CDH18: variants seen among roughly 807,000 people sequenced by gnomAD.
The protein encoded by CDH18 is cadherin-18.
In CDH18, 31 loss-of-function variants were observed where a neutral mutation model predicts 67.9. That is an observed-to-expected ratio of 0.46 (90% CI 0.34 to 0.62). The LOEUF is 0.62. CDH18 is among the 20% of genes least tolerant of loss of function. The pLI is 0.01. For missense variants in CDH18, 890 were observed against 975.5 expected (o/e 0.91, Z 1.17); for synonymous variants, 362 against 347.2 (o/e 1.04, Z -0.48).
intron 2 of CDH18, among the ~76,000 whole-genome samples, chr5:19,899,735 G>GTATA (rs145399271): frequency 3.3e-5 from 5 of 151,730 alleles, no homozygotes; most frequent in African/African-American, 9.7e-5. Context: ...AGAAAATGTA[G>GTATA]TATATATATA....
At chr5:20,113,252 A>C (rs546476643) in intron 2 of CDH18, among the ~76,000 whole-genome samples, 30 of 152,334 alleles carry the variant, frequency 2.0e-4, no homozygotes, top group Admixed American at 1.8e-3. Flanking sequence ...GGATGCCCAC[A>C]GTACTCCCAT....
In CDH18 at chr5:20,254,514, A is replaced by G. The variant is rs116958127; in HGVS notation, c.-518+930T>C. On this transcript the variant is annotated intron_variant, in intron 2 of 14. Coordinates refer to the CDH18 transcript ENST00000507958. ...AAATAAAACCTTTGTTAGATAAGCA[A>G]TTGCTAAGGGAATTTATTTCAACTA... Among the ~76,000 whole-genome samples the G allele has an allele frequency of 7.2e-5, 11 of 152,328 alleles. No homozygotes were observed. In the East Asian group the frequency reaches 1.7e-3, roughly 24 times the overall value.
intron 4 of CDH18, among the ~76,000 whole-genome samples, chr5:19,743,398 A>G (rs569775266): frequency 2.0e-5 from 3 of 152,162 alleles, no homozygotes; most frequent in South Asian, 4.1e-4. Context: ...TCTTTTTTTT[A>G]ATAAAAGATA....
intron 2 of CDH18, among the ~76,000 whole-genome samples, chr5:19,862,459 C>T (rs554878214): frequency 1.3e-5 from 2 of 152,224 alleles, no homozygotes; most frequent in Admixed American, 6.5e-5. Context: ...TACAAACATA[C>T]GATTCAAAGC....
chr5:20,049,480 T>C (rs1741220932), intron 2 of CDH18, among the ~76,000 whole-genome samples: 1 of 151,598 alleles, frequency 6.6e-6, no homozygotes, highest in Admixed American at 6.6e-5. Flanking sequence ...ATAACAAACA[T>C]GCACATGTAC....
intron 2 of CDH18, among the ~76,000 whole-genome samples, chr5:20,076,097 A>T (rs1341070359): frequency 6.6e-6 from 1 of 152,156 alleles, no homozygotes; most frequent in Admixed American, 6.5e-5. Context: ...AAAAATAAAT[A>T]AAAATATCTA....
In CDH18 at chr5:19,553,728, C is replaced by T. The variant is rs187130931; in HGVS notation, c.1254-9723G>A. Among the ~76,000 whole-genome samples the T allele has an allele frequency of 4.3e-4, 64 of 149,894 alleles. 1 individual carries two copies. Among genetic ancestry groups the T allele is most frequent in the Non-Finnish European group, 4.3e-4 (29 of 67,754 alleles). On this transcript the variant is annotated intron_variant, in intron 8 of 12. Transcript: ENST00000382275. The stretch of plus-strand genomic sequence containing the variant: ...GGAACACGACTCATTGCAGCCTTTG[C>T]CTCCTGGGCTCAAGTGATCCTCCCA...
chr5:20,556,702 A>G (rs1467751516), intron 1 of CDH18, among the ~76,000 whole-genome samples: 1 of 152,090 alleles, frequency 6.6e-6, no homozygotes, highest in Non-Finnish European at 1.5e-5. Context: ...ACTCCCTTCC[A>G]TCCAGCCCTT....
At chr5:19,835,889 C>T (rs1302675254) in intron 3 of CDH18, among the ~76,000 whole-genome samples, 2 of 152,100 alleles carry the variant, frequency 1.3e-5, no homozygotes, top group Non-Finnish European at 2.9e-5. Context: ...CACAGAACCG[C>T]CACAAACCTG....
chr5:20,479,693 T>TAG (rs988960519), intron 1 of CDH18, among the ~76,000 whole-genome samples: 5 of 151,446 alleles, frequency 3.3e-5, no homozygotes, highest in African/African-American at 9.7e-5. Context: ...CCTGATGAGG[T>TAG]AGAGAGAGAG....
intron 1 of CDH18, among the ~76,000 whole-genome samples, chr5:20,501,247 T>TA (rs1754230216): frequency 6.6e-6 from 1 of 151,586 alleles, no homozygotes; most frequent in African/African-American, 2.4e-5. Flanking sequence ...ACTGTGGAAT[T>TA]ACTAAAAGCA....
chr5:19,776,088 C>A (rs1189999343), intron 3 of CDH18, among the ~76,000 whole-genome samples: 1 of 151,550 alleles, frequency 6.6e-6, no homozygotes, highest in Non-Finnish European at 1.5e-5. Flanking sequence ...CAATAGGAAA[C>A]CATCAAGAAT....
chr5:19,881,788 G>A (rs1787682426), intron 2 of CDH18, among the ~76,000 whole-genome samples: 1 of 152,124 alleles, frequency 6.6e-6, no homozygotes, highest in African/African-American at 2.4e-5. Context: ...TTACAGGCAT[G>A]AGCCACTGCA....
intron 2 of CDH18, among the ~76,000 whole-genome samples, chr5:20,170,341 T>G (rs908572483): frequency 7.9e-5 from 12 of 152,296 alleles, no homozygotes; most frequent in South Asian, 4.1e-4. Context: ...TCTATGTCCC[T>G]GCAAAGGACA....
chr5:20,259,837 G>T (rs556309969), intron 1 of CDH18, among the ~76,000 whole-genome samples: 1 of 152,004 alleles, frequency 6.6e-6, no homozygotes, highest in African/African-American at 2.4e-5. Flanking sequence ...GTAGTTTATA[G>T]TAAAATGTGA....
chr5:19,844,596 C>A (rs1024117137), intron 2 of CDH18, among the ~76,000 whole-genome samples: 2 of 152,114 alleles, frequency 1.3e-5, no homozygotes, highest in African/African-American at 4.8e-5. Context: ...CAAATACTTT[C>A]TTTCTATATC....
intron 11 of CDH18, among the ~76,000 whole-genome samples, chr5:19,501,422 G>A (rs1338388986): frequency 6.7e-6 from 1 of 148,498 alleles, no homozygotes; most frequent in Non-Finnish European, 1.5e-5. Context: ...GGCCAACATG[G>A]TGAAACCCTG....
chr5:20,030,038 A>T (rs1739252693), intron 2 of CDH18, among the ~76,000 whole-genome samples: 1 of 152,144 alleles, frequency 6.6e-6, no homozygotes, highest in Non-Finnish European at 1.5e-5. Flanking sequence ...CAGCTCCCGG[A>T]GGCTACCTGA....
intron 2 of CDH18, among the ~76,000 whole-genome samples, chr5:20,230,501 T>G (rs564191334): frequency 4.9e-4 from 75 of 152,316 alleles, no homozygotes; most frequent in Non-Finnish European, 9.1e-4. Context: ...TTTATTTGGT[T>G]ACAAATTAAA....
Sources: gnomAD v4.1 joint callset for allele counts (sites outside exome capture counted in the v4.1 genomes callset) on GRCh38, gnomAD v4.1.1 for gene constraint, MANE v1.5 for transcripts, NCBI Gene and HGNC (gene_info 2026-07-23, HGNC 2026-07-21) for gene names.